Variants in AKT3 observed in about 807,000 individuals in gnomAD.
AKT3 encodes RAC-gamma serine/threonine-protein kinase.
In AKT3, 15 loss-of-function variants were observed where a neutral mutation model predicts 65.3. The observed-to-expected ratio is 0.23, with a 90% CI of 0.15 to 0.35. AKT3 has a LOEUF of 0.35. Ranked by LOEUF, AKT3 falls within the 10% of genes least tolerant of loss-of-function variation. The pLI, the probability that AKT3 is intolerant of heterozygous loss-of-function variation, is 1.00. For synonymous variants in AKT3, 206 were observed against 183.8 expected, an observed-to-expected ratio of 1.12 and a Z score of -0.98; for missense variants, 243 against 576.5, an observed-to-expected ratio of 0.42 and a Z score of 5.92.
chr1:243,641,461 T>G (rs893592009), intron 5 of AKT3, among the ~76,000 whole-genome samples: 5 of 151,666 alleles, frequency 3.3e-5, no homozygotes, highest in African/African-American at 1.2e-4. Context: ...TGTTCCTCAT[T>G]TTTTTATTTA....
chr1:243,717,130 A>G (rs1303913608), intron 2 of AKT3, among the ~76,000 whole-genome samples: 1 of 152,202 alleles, frequency 6.6e-6, no homozygotes, highest in Non-Finnish European at 1.5e-5. Context: ...TTTTTCCTTC[A>G]TAAACTCAGC....
chr1:243,838,580 A>T (rs1194617748), intron 2 of AKT3, among the ~76,000 whole-genome samples: 1 of 152,198 alleles, frequency 6.6e-6, no homozygotes, highest in Non-Finnish European at 1.5e-5. Flanking sequence ...TGTTTTCTGT[A>T]ACAACTTGTT....
At chr1:243,744,412 T>G (rs1176955301) in intron 2 of AKT3, among the ~76,000 whole-genome samples, 1 of 152,178 alleles carries the variant, frequency 6.6e-6, no homozygotes, top group Non-Finnish European at 1.5e-5. Flanking sequence ...TCTTTCACTT[T>G]TATGTATCTC....
At chr1:243,713,749 A>T (rs1014644009) in intron 2 of AKT3, among the ~76,000 whole-genome samples, 2 of 112,192 alleles carry the variant, frequency 1.8e-5, no homozygotes, top group Non-Finnish European at 4.0e-5. Flanking sequence ...GCCTTAATAA[A>T]AAAAAAAAAA....
chr1:243,771,657 C>T (rs1690194089), intron 2 of AKT3, among the ~76,000 whole-genome samples: 1 of 152,106 alleles, frequency 6.6e-6, no homozygotes. Flanking sequence ...TCTCTGCTAA[C>T]AAGGCATTTC....
chr1:243,841,637 C>T (rs1298755550), intron 2 of AKT3, among the ~76,000 whole-genome samples: 1 of 152,096 alleles, frequency 6.6e-6, no homozygotes, highest in Non-Finnish European at 1.5e-5. Flanking sequence ...TAAAGTTAAA[C>T]ACACACTTAC....
At chr1:243,489,748 A>G (rs1190536150) in intron 13 of AKT3, among the ~76,000 whole-genome samples, 4 of 152,212 alleles carry the variant, frequency 2.6e-5, no homozygotes, top group African/African-American at 4.8e-5. Context: ...ACTAAGGCCC[A>G]GACAAGCATT....
At chr1:243,646,115 T>G in intron 4 of AKT3, 78 bp from the exon 5 acceptor site, 1 of 1,226,776 alleles carries the variant, frequency 8.2e-7, no homozygotes, top group Non-Finnish European at 1.1e-6. Flanking sequence ...AACTATGAAA[T>G]CAATACAAAT....
At chr1:243,682,895 C>T (rs779757063) in intron 3 of AKT3, among the ~76,000 whole-genome samples, 4 of 152,166 alleles carry the variant, frequency 2.6e-5, no homozygotes, top group Non-Finnish European at 4.4e-5. Context: ...TTTAATGATA[C>T]CTCTTTTTCC....
At chr1:243,513,842 C>T (rs922205791) in intron 12 of AKT3, among the ~76,000 whole-genome samples, 1 of 152,044 alleles carries the variant, frequency 6.6e-6, no homozygotes, top group Non-Finnish European at 1.5e-5. Flanking sequence ...TGTGCCAGAC[C>T]ATATTTCTTT....
At chr1:243,497,642 T>C (rs774466010), downstream of AKT3, among the ~76,000 whole-genome samples, 3 of 152,196 alleles carry the variant, frequency 2.0e-5, no homozygotes, top group Non-Finnish European at 4.4e-5. Context: ...GAGAAATGCC[T>C]GTTTCCTGGA....
intron 10 of AKT3, among the ~76,000 whole-genome samples, chr1:243,553,232 C>T (rs755946020): frequency 2.6e-5 from 4 of 151,326 alleles, no homozygotes; most frequent in Non-Finnish European, 4.4e-5. Flanking sequence ...AAATGAAAAA[C>T]GTTAGCTAGC....
At chr1:243,575,414 G>C (rs1432773907) in intron 8 of AKT3, among the ~76,000 whole-genome samples, 1 of 152,144 alleles carries the variant, frequency 6.6e-6, no homozygotes, top group Non-Finnish European at 1.5e-5. Flanking sequence ...TCCAAGCATT[G>C]AGTGCGGTAA....
chr1:243,565,795 T>G (rs1382941996), intron 9 of AKT3, among the ~76,000 whole-genome samples: 1 of 151,330 alleles, frequency 6.6e-6, no homozygotes, highest in East Asian at 1.9e-4. Context: ...ATGAGAAACG[T>G]TAAGTATATA....
intron 8 of AKT3, among the ~76,000 whole-genome samples, chr1:243,576,906 C>T (rs1442412377): frequency 6.6e-6 from 1 of 152,224 alleles, no homozygotes; most frequent in East Asian, 1.9e-4. Flanking sequence ...CAAAAAAGAA[C>T]CCACAGAGCC....
chr1:243,496,549 G>T (rs184042287), downstream of AKT3, among the ~76,000 whole-genome samples: 43 of 152,368 alleles, frequency 2.8e-4, no homozygotes, highest in Admixed American at 6.5e-4. Flanking sequence ...CGGACAGCAG[G>T]GGGGGAAGGG....
At chr1:243,491,214 G>A (rs1420110766) in intron 13 of AKT3, among the ~76,000 whole-genome samples, 1 of 152,172 alleles carries the variant, frequency 6.6e-6, no homozygotes, top group African/African-American at 2.4e-5. Flanking sequence ...GCTTCTTCCA[G>A]GGCTTTAAAA....
At chr1:243,752,190 A>T (rs889547111) in intron 2 of AKT3, among the ~76,000 whole-genome samples, 1 of 152,236 alleles carries the variant, frequency 6.6e-6, no homozygotes, top group African/African-American at 2.4e-5. Context: ...AAAAATTTTT[A>T]AACTGAAAAG....
chr1:243,843,310 T>C, intron 1 of AKT3, 28 bp from the exon 2 acceptor site: 1 of 1,387,348 alleles, frequency 7.2e-7, no homozygotes, highest in South Asian at 2.0e-5. Flanking sequence ...AGAAAGAATT[T>C]TTTTTCCATT....
Sources: allele counts gnomAD v4.1 joint callset (sites outside exome capture counted in the v4.1 genomes callset), GRCh38; gene constraint gnomAD v4.1.1; transcripts MANE v1.5; gene names NCBI Gene and HGNC (gene_info 2026-07-23, HGNC 2026-07-21).